FRMPD4: variants seen among roughly 807,000 people sequenced by gnomAD.
FRMPD4 encodes the protein FERM and PDZ domain containing 4.
In FRMPD4, 22 loss-of-function variants were observed where a neutral mutation model predicts 94.1. The observed-to-expected ratio is 0.23, with a 90% CI of 0.17 to 0.33. The LOEUF (loss-of-function observed/expected upper bound fraction) is 0.33. Ranked by LOEUF, FRMPD4 falls within the 10% of genes least tolerant of loss-of-function variation. FRMPD4 has a pLI of 1.00. For missense variants in FRMPD4, 1,111 were observed against 1,339.9 expected, an observed-to-expected ratio of 0.83 and a Z score of 2.67; for synonymous variants, 631 against 548.6, an observed-to-expected ratio of 1.15 and a Z score of -2.10.
chrX:12,553,434 CTATATATA>C (rs3066486), intron 2 of FRMPD4, among the ~76,000 whole-genome samples: 1,282 of 39,652 alleles, frequency 0.032, 75 homozygotes, highest in African/African-American at 0.12. Flanking sequence ...ATCCATATGC[CTATATATA>C]TATATATATA....
At chrX:12,379,642 CGTGT>C (rs55742933) in intron 1 of FRMPD4, among the ~76,000 whole-genome samples, 2,056 of 89,905 alleles carry the variant, frequency 0.023, 25 homozygotes, top group Admixed American at 0.055. Context: ...GATATGCTGC[CGTGT>C]GTGTGTGTGT....
chrX:12,085,158 G>A (rs2055097237), intron 3 of FRMPD4, among the ~76,000 whole-genome samples: 1 of 111,841 alleles, frequency 8.9e-6, no homozygotes, highest in Non-Finnish European at 1.9e-5. Flanking sequence ...ATTTTATTCA[G>A]TAAATGTGAC....
At chrX:12,435,456 G>A (rs1472704456) in intron 1 of FRMPD4, among the ~76,000 whole-genome samples, 1 of 111,331 alleles carries the variant, frequency 9.0e-6, no homozygotes, top group Non-Finnish European at 1.9e-5. Context: ...GATTTTCACT[G>A]GAATGCATCT....
chrX:12,716,502 G>A lies in FRMPD4; in HGVS notation c.2043G>A (p.Met681Ile). 1.7e-6 allele frequency: 2 copies of A among 1,210,439 alleles called. No homozygotes were observed. The highest frequency in any genetic ancestry group is 2.2e-6 in the Non-Finnish European group (2 of 894,559). ...YETLLDEGPE[M>I]LEKQRNLYIG... ...CGCTACTAGATGAGGGTCCTGAAAT[G>A]CTGGAGAAGCAGAGAAATCTCTACA... Residue 681 changes from methionine (M) to isoleucine (I), a missense_variant, in exon 15 of 17, where the codon ATG (methionine) becomes ATA (isoleucine). Met to Ile is a conservative substitution (Grantham distance 10, BLOSUM62 1). This residue lies in a region of FRMPD4 where 192 missense variants were observed against 192.5 expected (regional missense o/e 1.00). Coordinates refer to ENST00000675598, the MANE Select transcript of FRMPD4 (RefSeq NM_001368397.1).
chrX:11,897,037 T>C (rs1223285297), intron 3 of FRMPD4, among the ~76,000 whole-genome samples: 1 of 109,902 alleles, frequency 9.1e-6, no homozygotes, highest in Non-Finnish European at 1.9e-5. Flanking sequence ...GTATCTGAAT[T>C]AATCTGAGTG....
intron 1 of FRMPD4, among the ~76,000 whole-genome samples, chrX:12,357,776 T>A (rs762378163): frequency 7.1e-5 from 8 of 112,335 alleles, no homozygotes; most frequent in African/African-American, 2.6e-4. Context: ...AAGGTATAAT[T>A]TATGTACCAT....
intron 2 of FRMPD4, among the ~76,000 whole-genome samples, chrX:12,543,845 C>A (rs1307122984): frequency 9.2e-6 from 1 of 109,174 alleles, no homozygotes; most frequent in Non-Finnish European, 1.9e-5. Flanking sequence ...CCCAAATGTC[C>A]AACAATGATA....
intron 1 of FRMPD4, among the ~76,000 whole-genome samples, chrX:12,342,487 G>A (rs985866435): frequency 1.8e-5 from 2 of 111,869 alleles, no homozygotes; most frequent in Non-Finnish European, 3.8e-5. Flanking sequence ...ACCTGGAACC[G>A]GTGCCCTTGA....
rs142893483 is a variant in FRMPD4, at chrX:12,718,547, C to A, written c.3721C>A (p.Pro1241Thr). 2 of 1,203,121 alleles carry A rather than the reference C, an allele frequency of 1.7e-6. No individual in the cohort carries two copies. The highest frequency in any genetic ancestry group is 3.5e-5 in the South Asian group (2 of 56,800). Residue 1241 changes from proline (P) to threonine (T), a missense_variant, in exon 16 of 17, where the codon CCC becomes ACC. Coordinates refer to ENST00000675598, the MANE Select transcript of FRMPD4 (RefSeq NM_001368397.1). Reference sequence around the variant, plus strand: ...CACACCCGTGGAGTCGCCGCTCTGCCCCTCCCTGGGGAAGCACTTGATTCC... The same window carrying A: ...CACACCCGTGGAGTCGCCGCTCTGCACCTCCCTGGGGAAGCACTTGATTCC... Reference protein sequence around the residue: ...CATPVESPLCPSLGKHLIPDA... With the variant: ...CATPVESPLCTSLGKHLIPDA...
chrX:12,162,305 A>G (rs757891955), intron 1 of FRMPD4, among the ~76,000 whole-genome samples: 2 of 112,297 alleles, frequency 1.8e-5, no homozygotes, highest in Non-Finnish European at 3.8e-5. Context: ...ATTGAGATGG[A>G]GTGTGTGTTC....
At chrX:12,405,403 A>C (rs529958551) in intron 1 of FRMPD4, among the ~76,000 whole-genome samples, 1 of 111,261 alleles carries the variant, frequency 9.0e-6, no homozygotes, top group East Asian at 2.8e-4. Flanking sequence ...TTATGAGTAC[A>C]TAGTAGGTGT....
chrX:12,650,199 G>C (rs190941355), intron 4 of FRMPD4, among the ~76,000 whole-genome samples: 98 of 112,170 alleles, frequency 8.7e-4, no homozygotes, highest in Admixed American at 8.7e-3. Flanking sequence ...TAAGCGCCTT[G>C]GGTCTCTAGA....
intron 1 of FRMPD4, among the ~76,000 whole-genome samples, chrX:12,387,363 A>T (rs2056410414): frequency 8.9e-6 from 1 of 112,279 alleles, no homozygotes; most frequent in South Asian, 3.7e-4. Flanking sequence ...ATTAAACCTA[A>T]GCCTCTAAGA....
chrX:11,893,964 T>C (rs1371953640), intron 3 of FRMPD4, among the ~76,000 whole-genome samples: 1 of 111,782 alleles, frequency 8.9e-6, no homozygotes, highest in Non-Finnish European at 1.9e-5. Context: ...CCATAATGAG[T>C]TGACTTTAAA....
intron 1 of FRMPD4, among the ~76,000 whole-genome samples, chrX:12,463,351 G>A (rs1435965638): frequency 9.0e-6 from 1 of 111,254 alleles, no homozygotes; most frequent in African/African-American, 3.3e-5. Flanking sequence ...AGTCAGCTCC[G>A]GACTACTTTA....
At chrX:12,659,674 A>T (rs1218586156) in intron 4 of FRMPD4, among the ~76,000 whole-genome samples, 3 of 112,968 alleles carry the variant, frequency 2.7e-5, no homozygotes, top group Admixed American at 9.4e-5. Context: ...ATACTCAATA[A>T]ATATTTGCTG....
intron 1 of FRMPD4, among the ~76,000 whole-genome samples, chrX:12,410,306 C>T (rs916224964): frequency 9.0e-6 from 1 of 111,689 alleles, no homozygotes; most frequent in Admixed American, 9.6e-5. Flanking sequence ...GTTTTACACA[C>T]ATTCATTTCA....
chrX:12,240,936 T>A (rs138978275), intron 1 of FRMPD4, among the ~76,000 whole-genome samples: 1,169 of 112,158 alleles, frequency 0.01, 10 homozygotes, highest in African/African-American at 0.035. Flanking sequence ...GTGAGTGTAG[T>A]TGCTCCTATA....
chrX:11,866,730 G>A (rs1282454458), intron 2 of FRMPD4, among the ~76,000 whole-genome samples: 3 of 111,595 alleles, frequency 2.7e-5, no homozygotes, highest in African/African-American at 9.7e-5. Context: ...TGGACTGAAG[G>A]TTGTCTTGTG....
Sources: allele counts gnomAD v4.1 joint callset (sites outside exome capture counted in the v4.1 genomes callset), GRCh38; gene constraint gnomAD v4.1.1; regional missense constraint gnomAD v4.1.1; transcripts MANE v1.5; gene names NCBI Gene and HGNC (gene_info 2026-07-23, HGNC 2026-07-21).